The following TBC1D3B variants were observed in gnomAD, a reference collection of about 807,000 sequenced individuals.
The protein encoded by TBC1D3B is TBC1 domain family member 3B.
TBC1D3B carries 2 observed loss-of-function variants against 27.1 expected under a neutral mutation model. The ratio of observed to expected loss-of-function variants is 0.07; its 90% CI spans 0.03 to 0.23. The LOEUF is 0.23. Among genes scored for constraint, TBC1D3B ranks in the 10% least tolerant of loss-of-function variants. The pLI is 1.00. For missense variants in TBC1D3B, 17 were observed against 401.3 expected (o/e 0.04, Z 8.18); for synonymous variants, 3 against 150.1 (o/e 0.02, Z 7.16).
chr17:36,172,385 TA>T lies in TBC1D3B; in HGVS notation c.295del (p.Tyr99ThrfsTer6). The T allele has an allele frequency of 1.3e-6, 2 of 1,548,358 alleles. No individual in the cohort carries two copies. Among genetic ancestry groups the T allele is most frequent in the Non-Finnish European group, 1.8e-6 (2 of 1,125,162 alleles). The part of the protein sequence containing the change: ...KSSRKLIDRA[Y>X]KGMPMNIRGP... ...CCGGATGTTCATGGGCATTCCCTTG[TA>T]CGCTCGATCTATGAGCTGTGGGCAG... On this transcript the variant is annotated frameshift_variant, in exon 6 of 14. Transcript: ENST00000611257. LOFTEE classifies it high-confidence loss of function.
intron 7 of TBC1D3B, among the ~76,000 whole-genome samples, chr17:36,171,402 C>A (rs2068352637): frequency 6.6e-6 from 1 of 151,070 alleles, no homozygotes; most frequent in Admixed American, 6.6e-5. Context: ...CTTTGTGAGC[C>A]ACTGCCCAAC....
Position 36,165,784 on chromosome 17 carries a change from G to C in TBC1D3B, c.*211C>G, listed in dbSNP as rs2068240757. Reference sequence around the variant, plus strand: ...CGGTGTCGTCAGAATTCAGAACGATGGTCGTGGGGCTTGGGGTGCTGGGAG... The same window carrying C: ...CGGTGTCGTCAGAATTCAGAACGATCGTCGTGGGGCTTGGGGTGCTGGGAG... On this transcript the variant is annotated 3_prime_UTR_variant, in exon 14 of 14. Transcript: ENST00000611257. 4.3e-6 allele frequency: 4 copies of C among 925,618 alleles called. No homozygotes were observed. In the Admixed American group the frequency reaches 9.7e-5, roughly 22 times the overall value. The allele number at this position is 925,618 out of a possible 1,614,324, so 57.3% of individuals were successfully genotyped here.
intron 7 of TBC1D3B, among the ~76,000 whole-genome samples, chr17:36,171,203 C>A (rs1482931941): frequency 5.3e-5 from 8 of 149,784 alleles, no homozygotes; most frequent in African/African-American, 1.9e-4. Flanking sequence ...CTGGGTCTTC[C>A]GTTTGAAGGG....
At chr17:36,171,795 G>GC (rs1382573047) in intron 7 of TBC1D3B, 60 bp downstream of exon 7, 9 of 711,806 alleles carry the variant, frequency 1.3e-5, no homozygotes, top group Non-Finnish European at 2.3e-5. Flanking sequence ...CTCCGGGGAA[G>GC]CCCCCATCCC....
chr17:36,172,502 C>T lies in TBC1D3B; in HGVS notation c.280-101G>A, dbSNP rs1463263650. 3 of 590,194 alleles carry T rather than the reference C, an allele frequency of 5.1e-6. No individual in the cohort carries two copies. The African/African-American group carries it at 5.5e-5, about 11-fold the overall frequency. The allele number at this position is 590,194 out of a possible 1,614,324, so 36.6% of individuals were successfully genotyped here. A position where few individuals can be genotyped will look rare whatever the true frequency, so the allele number is the denominator to read the frequency against. On this transcript the variant is annotated intron_variant, in intron 5 of 13. Coordinates refer to ENST00000611257, the MANE Select transcript of TBC1D3B (RefSeq NM_001001417.7). ...AATTGTCGGTTTTGGCCCCATGATT[C>T]CTCAGTAGAGGTGAGATCAAGCTGG...
chr17:36,171,526 TG>T (rs2068356114), intron 7 of TBC1D3B, among the ~76,000 whole-genome samples: 1 of 151,278 alleles, frequency 6.6e-6, no homozygotes, highest in Non-Finnish European at 1.5e-5. Context: ...GGGGGGCTCA[TG>T]GGCCCTCTAT....
intron 13 of TBC1D3B, among the ~76,000 whole-genome samples, 181 bp downstream of exon 13, chr17:36,167,363 G>T (rs2068271475): frequency 2.3e-5 from 1 of 44,208 alleles, no homozygotes; most frequent in Admixed American, 2.3e-4. Context: ...CAGTATACAC[G>T]CACTGAGCGC....
At chr17:36,169,582 G>A (rs2068319839) in intron 9 of TBC1D3B, among the ~76,000 whole-genome samples, 1 of 144,716 alleles carries the variant, frequency 6.9e-6, no homozygotes, top group Non-Finnish European at 1.6e-5. Flanking sequence ...GCAGCTGGAG[G>A]GCAGGAGGAC....
chr17:36,175,086 C>A lies in TBC1D3B; in HGVS notation c.-1-35G>T, dbSNP rs1456627296. 4 of 842,720 alleles carry A rather than the reference C, an allele frequency of 4.7e-6. 1 individual carries two copies. The highest frequency in any genetic ancestry group is 6.8e-6 in the Non-Finnish European group (4 of 590,554). 52.2% of individuals were successfully genotyped at this position (842,720 alleles called of 1,614,324 possible). ...AAAATTGTCTAAAGGTCACACTGTA[C>A]GCGGCGGCTTCGGAGAACACCTGAA... On this transcript the variant is annotated intron_variant, in intron 1 of 13. Transcript: ENST00000611257.
rs1322464061 is a variant in TBC1D3B at position 36,167,189 on chromosome 17, G to T, written c.1081+355C>A. Among the ~76,000 whole-genome samples, 9 of 91,302 alleles carry T rather than the reference G, an allele frequency of 9.9e-5. 1 individual carries two copies. Among genetic ancestry groups the T allele is most frequent in the Admixed American group, 9.3e-4 (9 of 9,672 alleles). The allele number at this position is 91,302 out of a possible 152,430, so 59.9% of individuals were successfully genotyped here. On this transcript the variant is annotated intron_variant, in intron 13 of 13. Transcript: ENST00000611257. Reference sequence around the variant, plus strand: ...TGAGGGGCCTCTGCTGCTCTCTGAGGCTGTGGGTGCTTGCAGGGAGGGGCG... The same window carrying T: ...TGAGGGGCCTCTGCTGCTCTCTGAGTCTGTGGGTGCTTGCAGGGAGGGGCG...
intron 7 of TBC1D3B, among the ~76,000 whole-genome samples, chr17:36,171,532 C>T (rs1165953788): frequency 2.6e-5 from 4 of 151,170 alleles, no homozygotes; most frequent in Non-Finnish European, 5.9e-5. Context: ...CTCATGGGCC[C>T]TCTATCCTGC....
Position 36,166,255 on chromosome 17 carries a change from C to CGTCCAG in TBC1D3B, c.1384_1389dup (p.Leu462_Asp463dup). ...TAATGGCGGAACCAAGGCCCCTCTA[C>CGTCCAG]GTCCAGGTCCGTTGGGAGGCGGGGC... On this transcript the variant is annotated inframe_insertion, in exon 14 of 14. Coordinates refer to ENST00000611257, the MANE Select transcript of TBC1D3B (RefSeq NM_001001417.7). 7.6e-7 allele frequency: 1 copy of CGTCCAG among 1,317,830 alleles called. No individual in the cohort carries two copies. Among genetic ancestry groups the CGTCCAG allele is most frequent in the Non-Finnish European group, 1.1e-6 (1 of 935,972 alleles). The allele number at this position is 1,317,830 out of a possible 1,614,324, so 81.6% of individuals were successfully genotyped here.
intron 1 of TBC1D3B, among the ~76,000 whole-genome samples, chr17:36,175,546 G>A (rs2068410042): frequency 1.9e-5 from 2 of 105,802 alleles, no homozygotes; most frequent in Non-Finnish European, 2.5e-5. Flanking sequence ...TGGCTACCGT[G>A]GCTCTTCAGT....
At chr17:36,175,492 A>G (rs1327745824) in intron 1 of TBC1D3B, among the ~76,000 whole-genome samples, 5 of 103,666 alleles carry the variant, frequency 4.8e-5, no homozygotes, top group African/African-American at 1.1e-4. Flanking sequence ...CCTACAGGGA[A>G]CAAGATCTCT....
At chr17:36,171,426 G>A (rs1239829565) in intron 7 of TBC1D3B, among the ~76,000 whole-genome samples, 2 of 150,722 alleles carry the variant, frequency 1.3e-5, no homozygotes, top group Non-Finnish European at 3.0e-5. Flanking sequence ...CTGCCAACGT[G>A]GCTGTGCCAT....
chr17:36,170,976 C>G (rs1352497534), intron 7 of TBC1D3B, among the ~76,000 whole-genome samples: 4 of 83,008 alleles, frequency 4.8e-5, no homozygotes, highest in African/African-American at 1.2e-4. Flanking sequence ...CTCCAAGTCT[C>G]CAGGGTGGCC....
At position 36,170,830 on chromosome 17, in the gene TBC1D3B, T is replaced by G. The variant is rs1363938788; in HGVS notation, c.498-227A>C. Among the ~76,000 whole-genome samples the G allele has an allele frequency of 1.2e-3, 107 of 88,290 alleles. 3 individuals carry two copies. The highest frequency in any genetic ancestry group is 2.7e-3 in the African/African-American group (102 of 37,210). The allele number at this position is 88,290 out of a possible 152,430, so 57.9% of individuals were successfully genotyped here. ...GTGACTTGCCTGATCCTTTTCACTC[T>G]GAATGATTTTTTTTTTTTTTCAGTT... On this transcript the variant is annotated intron_variant, in intron 7 of 13. Coordinates refer to ENST00000611257, the MANE Select transcript of TBC1D3B (RefSeq NM_001001417.7).
At chr17:36,166,755 C>T (rs1162829395) in intron 13 of TBC1D3B, among the ~76,000 whole-genome samples, 192 bp from the exon 14 acceptor site, 9 of 25,516 alleles carry the variant, frequency 3.5e-4, no homozygotes, top group African/African-American at 6.6e-4. Flanking sequence ...GGGAAGCTGT[C>T]GTGGCATGGC....
At chr17:36,167,116 C>G (rs1475794355) in intron 13 of TBC1D3B, among the ~76,000 whole-genome samples, 1 of 108,014 alleles carries the variant, frequency 9.3e-6, no homozygotes, top group African/African-American at 2.5e-5. Flanking sequence ...CCTTGACTCC[C>G]TGGCTCCAGG....
Sources: allele counts gnomAD v4.1 joint callset (sites outside exome capture counted in the v4.1 genomes callset), GRCh38; gene constraint gnomAD v4.1.1; transcripts MANE v1.5; gene names NCBI Gene and HGNC (gene_info 2026-07-23, HGNC 2026-07-21).